RANBP17: variants seen among roughly 807,000 people sequenced by gnomAD.
RANBP17 encodes ran-binding protein 17.
In RANBP17, 158 loss-of-function variants were observed where a neutral mutation model predicts 141.2. The ratio of observed to expected loss-of-function variants is 1.12; its 90% CI spans 0.98 to 1.28. RANBP17 has a LOEUF of 1.28. Ranked by LOEUF, RANBP17 falls within the 50% of genes most tolerant of loss-of-function variation. RANBP17 has a pLI of 0.00. For synonymous variants in RANBP17, 430 were observed against 450.0 expected (o/e 0.96, Z 0.56); for missense variants, 1,438 against 1,290.7 (o/e 1.11, Z -1.75).
intron 18 of RANBP17, among the ~76,000 whole-genome samples, chr5:171,191,699 AG>A (rs145909923): frequency 1.3e-5 from 2 of 151,478 alleles, no homozygotes; most frequent in African/African-American, 4.9e-5. Context: ...AAAAAAAAAA[AG>A]AAAAGAAAAC....
intron 21 of RANBP17, among the ~76,000 whole-genome samples, chr5:171,214,714 A>G (rs939832297): frequency 1.3e-5 from 2 of 152,158 alleles, no homozygotes; most frequent in African/African-American, 4.8e-5. Flanking sequence ...GGTGCCTTAA[A>G]GGAAGGGTGG....
At chr5:171,202,796 A>G (rs1762366125) in intron 19 of RANBP17, among the ~76,000 whole-genome samples, 1 of 152,204 alleles carries the variant, frequency 6.6e-6, no homozygotes, top group African/African-American at 2.4e-5. Context: ...AGCCATCTTA[A>G]TTCTAAAGAC....
intron 7 of RANBP17, 100 bp from the exon 8 acceptor site, chr5:170,914,067 T>C (rs1242897258): frequency 1.3e-6 from 1 of 765,004 alleles, no homozygotes; most frequent in Non-Finnish European, 2.3e-6. Context: ...AATGGCCACA[T>C]GCAGAGGCCT....
intron 11 of RANBP17, among the ~76,000 whole-genome samples, chr5:170,920,057 A>C (rs1184538125): frequency 6.6e-6 from 1 of 152,000 alleles, no homozygotes; most frequent in African/African-American, 2.4e-5. Context: ...TTACCAATTC[A>C]CCTGTTGCTG....
intron 22 of RANBP17, among the ~76,000 whole-genome samples, chr5:171,232,485 ATTTCT>A (rs1306597362): frequency 2.0e-5 from 3 of 152,024 alleles, no homozygotes; most frequent in Non-Finnish European, 4.4e-5. Flanking sequence ...ATGCAAAATA[ATTTCT>A]TTTCTTTTTT....
intron 12 of RANBP17, among the ~76,000 whole-genome samples, chr5:170,943,190 A>G (rs937292839): frequency 6.6e-6 from 1 of 152,152 alleles, no homozygotes; most frequent in African/African-American, 2.4e-5. Flanking sequence ...GTGTAGTAGT[A>G]TTAGTTTTTT....
intron 18 of RANBP17, among the ~76,000 whole-genome samples, chr5:171,195,440 G>T (rs2127947464): frequency 6.6e-6 from 1 of 152,270 alleles, no homozygotes. Context: ...CTCCAGCTTT[G>T]GTGGCACAAC....
At chr5:171,232,012 A>T (rs543193218) in intron 22 of RANBP17, among the ~76,000 whole-genome samples, 1 of 152,238 alleles carries the variant, frequency 6.6e-6, no homozygotes, top group South Asian at 2.1e-4. Flanking sequence ...TTATCTTTTA[A>T]GATTACCTAG....
chr5:170,968,127 A>G, intron 13 of RANBP17, 115 bp from the exon 14 acceptor site: 1 of 706,506 alleles, frequency 1.4e-6, no homozygotes, highest in Non-Finnish European at 2.2e-6. Context: ...ATATTTTTTT[A>G]TTTTCCCACT....
intron 14 of RANBP17, among the ~76,000 whole-genome samples, chr5:170,987,790 G>T (rs564984184): frequency 3.3e-5 from 5 of 151,602 alleles, no homozygotes; most frequent in Admixed American, 1.3e-4. Flanking sequence ...AGCACTAGAC[G>T]AGGATGTTTG....
At chr5:171,214,745 A>G (rs749420518) in intron 21 of RANBP17, among the ~76,000 whole-genome samples, 1 of 152,160 alleles carries the variant, frequency 6.6e-6, no homozygotes, top group Non-Finnish European at 1.5e-5. Context: ...TATATTAAAA[A>G]TTTAGTTTGC....
Position 171,140,680 on chromosome 5 carries a change from G to T in RANBP17, c.1711-29450G>T, listed in dbSNP as rs567845208. ...ACAAGGCACAATGGAGCATTTTGCA[G>T]TAATGGAAACTTTTATTGTGGTGGT... On this transcript the variant is annotated intron_variant, in intron 14 of 27. Coordinates refer to ENST00000523189, the MANE Select transcript of RANBP17 (RefSeq NM_022897.5). 3.3e-5 allele frequency among the ~76,000 whole-genome samples: 5 copies of T among 152,344 alleles called. No homozygotes were observed. The South Asian group carries it at 8.3e-4, about 25-fold the overall frequency.
At chr5:171,202,000 A>G (rs1309891755) in intron 19 of RANBP17, among the ~76,000 whole-genome samples, 1 of 152,214 alleles carries the variant, frequency 6.6e-6, no homozygotes, top group Non-Finnish European at 1.5e-5. Flanking sequence ...TGCCAAATTC[A>G]TTTAATTTGC....
chr5:170,887,526 A>G (rs1769262567), intron 3 of RANBP17, among the ~76,000 whole-genome samples: 1 of 152,208 alleles, frequency 6.6e-6, no homozygotes, highest in Non-Finnish European at 1.5e-5. Context: ...TTGTTCCAGC[A>G]CTATTTGCTG....
At chr5:171,176,737 C>T (rs1434179550) in intron 16 of RANBP17, among the ~76,000 whole-genome samples, 1 of 152,096 alleles carries the variant, frequency 6.6e-6, no homozygotes, top group Non-Finnish European at 1.5e-5. Context: ...CCCTTTTATT[C>T]GAGGTCATTT....
chr5:171,297,629 G>A (rs77257222), intron 27 of RANBP17, among the ~76,000 whole-genome samples: 13,314 of 151,184 alleles, frequency 0.088, 693 homozygotes, highest in Middle Eastern at 0.14. Context: ...GATGAGAGTT[G>A]AATGGGGAAG....
At chr5:171,103,269 C>T (rs2127746828) in intron 14 of RANBP17, among the ~76,000 whole-genome samples, 1 of 152,342 alleles carries the variant, frequency 6.6e-6, no homozygotes, top group South Asian at 2.1e-4. Context: ...CTGACTGGGG[C>T]TGCTGCCCTT....
chr5:170,988,528 C>T (rs549618194), intron 14 of RANBP17, among the ~76,000 whole-genome samples: 2 of 151,546 alleles, frequency 1.3e-5, no homozygotes, highest in African/African-American at 2.4e-5. Context: ...CTAAATTTTA[C>T]GACTTGAAAA....
chr5:171,091,184 G>A (rs1786237219), intron 14 of RANBP17, among the ~76,000 whole-genome samples: 1 of 152,206 alleles, frequency 6.6e-6, no homozygotes, highest in Non-Finnish European at 1.5e-5. Context: ...AGCCACAGAG[G>A]TGGAGCTGCC....
Sources: gnomAD v4.1 joint callset for allele counts (sites outside exome capture counted in the v4.1 genomes callset) on GRCh38, gnomAD v4.1.1 for gene constraint, MANE v1.5 for transcripts, NCBI Gene and HGNC (gene_info 2026-07-23, HGNC 2026-07-21) for gene names.